The following KCNH7 variants were observed in gnomAD, a reference collection of about 807,000 sequenced individuals.
The protein encoded by KCNH7 is potassium voltage-gated channel subfamily H member 7.
KCNH7 carries 49 observed loss-of-function variants against 120.8 expected under a neutral mutation model. That is an observed-to-expected ratio of 0.41 (90% CI 0.32 to 0.51). The LOEUF (loss-of-function observed/expected upper bound fraction) is 0.51. Ranked by LOEUF, KCNH7 falls within the 20% of genes least tolerant of loss-of-function variation. The probability of loss-of-function intolerance (pLI) is 0.38; values close to 1 mark genes in which losing one functional copy is unlikely to be tolerated. For missense variants in KCNH7, 1,097 were observed against 1,446.6 expected, an observed-to-expected ratio of 0.76 and a Z score of 3.92; for synonymous variants, 547 against 516.1, an observed-to-expected ratio of 1.06 and a Z score of -0.81.
At chr2:162,743,651 G>A (rs76468655) in intron 2 of KCNH7, among the ~76,000 whole-genome samples, 3,241 of 152,048 alleles carry the variant, frequency 0.021, 73 homozygotes, top group East Asian at 0.11. Context: ...TAAATCAATG[G>A]ACATTGTTAA....
intron 2 of KCNH7, among the ~76,000 whole-genome samples, chr2:162,624,831 C>A (rs1683491109): frequency 6.6e-6 from 1 of 151,712 alleles, no homozygotes; most frequent in African/African-American, 2.4e-5. Flanking sequence ...TCATATTACG[C>A]CACCAAAGGG....
At chr2:162,673,533 G>T (rs1000390065) in intron 2 of KCNH7, among the ~76,000 whole-genome samples, 3 of 152,036 alleles carry the variant, frequency 2.0e-5, no homozygotes, top group African/African-American at 7.2e-5. Context: ...AGAATGTGAA[G>T]AAATAGAAAA....
intron 2 of KCNH7, among the ~76,000 whole-genome samples, chr2:162,607,862 G>A (rs185184369): frequency 1.3e-5 from 2 of 152,056 alleles, no homozygotes; most frequent in East Asian, 1.9e-4. Context: ...ACCAAAATAA[G>A]TTATACTTTG....
chr2:162,500,131 T>C (rs1399572582), intron 6 of KCNH7, among the ~76,000 whole-genome samples: 2 of 148,438 alleles, frequency 1.3e-5, no homozygotes, highest in African/African-American at 2.4e-5. Flanking sequence ...ATATATATTA[T>C]ACATTATATA....
At chr2:162,652,434 G>A (rs73012212) in intron 2 of KCNH7, among the ~76,000 whole-genome samples, 240 of 152,264 alleles carry the variant, frequency 1.6e-3, no homozygotes, top group African/African-American at 5.4e-3. Flanking sequence ...GAGAGTGTGG[G>A]GGGAGGGGTA....
chr2:162,497,014 T>G (rs1282197803), intron 6 of KCNH7: 1 of 152,146 alleles, frequency 6.6e-6, no homozygotes, highest in African/African-American at 2.4e-5. Context: ...TGGTTAGTAC[T>G]TGGATGGGAG....
chr2:162,614,191 AT>A (rs1683065038), intron 2 of KCNH7, among the ~76,000 whole-genome samples: 1 of 152,098 alleles, frequency 6.6e-6, no homozygotes, highest in Non-Finnish European at 1.5e-5. Context: ...AAAGTGCCTA[AT>A]CTACTACAAA....
At chr2:162,803,530 C>T (rs1684421133) in intron 2 of KCNH7, among the ~76,000 whole-genome samples, 1 of 151,696 alleles carries the variant, frequency 6.6e-6, no homozygotes, top group South Asian at 2.1e-4. Context: ...CTAAATGATT[C>T]ATTTTTGCCT....
intron 2 of KCNH7, among the ~76,000 whole-genome samples, chr2:162,574,340 G>A (rs1488339386): frequency 1.3e-5 from 2 of 151,740 alleles, no homozygotes; most frequent in East Asian, 3.9e-4. Context: ...TTATTTTAGG[G>A]CTTTAATAGT....
intron 9 of KCNH7, among the ~76,000 whole-genome samples, chr2:162,417,300 A>C (rs1239919075): frequency 6.6e-6 from 1 of 152,182 alleles, no homozygotes; most frequent in African/African-American, 2.4e-5. Flanking sequence ...GTTATAACTG[A>C]ACTTTGATGA....
Position 162,386,282 on chromosome 2 carries a change from C to T in KCNH7, c.2711-1343G>A, listed in dbSNP as rs147135957. ...TCTCTTCAGTGTCATTGGCACAGACCTCCTTAAACCTCTAAAATTCCATCT... is the reference window on the plus strand; with the variant it reads ...TCTCTTCAGTGTCATTGGCACAGACTTCCTTAAACCTCTAAAATTCCATCT... On this transcript the variant is annotated intron_variant, in intron 12 of 15. Transcript: ENST00000332142. Among the ~76,000 whole-genome samples the T allele has an allele frequency of 9.9e-5, 15 of 151,884 alleles. No individual in the cohort carries two copies. In the East Asian group the frequency reaches 2.7e-3, roughly 28 times the overall value.
intron 2 of KCNH7, among the ~76,000 whole-genome samples, chr2:162,560,413 G>A (rs1574102601): frequency 1.3e-5 from 2 of 152,190 alleles, no homozygotes; most frequent in South Asian, 4.1e-4. Flanking sequence ...ACATTTCAGA[G>A]GAGAGGAAAG....
At chr2:162,699,351 G>T (rs1686408220) in intron 2 of KCNH7, among the ~76,000 whole-genome samples, 2 of 152,058 alleles carry the variant, frequency 1.3e-5, no homozygotes, top group South Asian at 4.1e-4. Flanking sequence ...CAGGTGACAG[G>T]ATTTCCTTTT....
intron 2 of KCNH7, among the ~76,000 whole-genome samples, chr2:162,694,416 T>C (rs1462243302): frequency 6.6e-6 from 1 of 152,054 alleles, no homozygotes; most frequent in Non-Finnish European, 1.5e-5. Flanking sequence ...TGGGCATTCA[T>C]AGATCTTTGC....
Position 162,610,116 on chromosome 2 carries a change from C to T in KCNH7, c.308-73036G>A, listed in dbSNP as rs77465801. Among the ~76,000 whole-genome samples, 63 of 152,272 alleles carry T rather than the reference C, an allele frequency of 4.1e-4. No individual in the cohort carries two copies. In the East Asian group the frequency reaches 0.012, roughly 28 times the overall value. ...GGAAAAGAGACACAGTCACACATTACCCAAAGTTGGAAATAAGGTCAAGAG... is the reference window on the plus strand; with the variant it reads ...GGAAAAGAGACACAGTCACACATTATCCAAAGTTGGAAATAAGGTCAAGAG... On this transcript the variant is annotated intron_variant, in intron 2 of 15. Coordinates refer to ENST00000332142, the MANE Select transcript of KCNH7 (RefSeq NM_033272.4).
At chr2:162,443,452 C>T (rs75308780) in intron 7 of KCNH7, among the ~76,000 whole-genome samples, 4,850 of 152,200 alleles carry the variant, frequency 0.032, 276 homozygotes, top group African/African-American at 0.11. Context: ...ACCCTCCTGC[C>T]CTTCACCAAA....
At chr2:162,838,323 C>T in intron 1 of KCNH7, 120 bp downstream of exon 1, 1 of 754,436 alleles carries the variant, frequency 1.3e-6, no homozygotes, top group Non-Finnish European at 2.3e-6. Flanking sequence ...GGCTCGGTTT[C>T]ACAGCCTCTT....
chr2:162,516,480 G>A (rs1206928274), intron 4 of KCNH7, among the ~76,000 whole-genome samples: 1 of 151,758 alleles, frequency 6.6e-6, no homozygotes, highest in African/African-American at 2.4e-5. Flanking sequence ...CTGTGCAGAT[G>A]TAGAATAGAG....
intron 2 of KCNH7, among the ~76,000 whole-genome samples, chr2:162,595,000 A>G (rs994186104): frequency 6.6e-6 from 1 of 152,088 alleles, no homozygotes; most frequent in Non-Finnish European, 1.5e-5. Flanking sequence ...TATGTAAATC[A>G]ATGAATGTGT....
Sources: gnomAD v4.1 joint callset for allele counts (sites outside exome capture counted in the v4.1 genomes callset) on GRCh38, gnomAD v4.1.1 for gene constraint, MANE v1.5 for transcripts, NCBI Gene and HGNC (gene_info 2026-07-23, HGNC 2026-07-21) for gene names.